Variants in TG observed in about 807,000 individuals in gnomAD.
The protein encoded by TG is thyroglobulin, also known as thyroid hormones.
A neutral mutation model predicts 324.7 loss-of-function variants in TG; 270 were observed. The observed-to-expected ratio is 0.83, with a 90% CI of 0.75 to 0.92. The LOEUF (loss-of-function observed/expected upper bound fraction) is 0.92, where lower values mean the gene tolerates loss of function less well. TG is among the 40% of genes least tolerant of loss of function. The pLI is 0.00. For missense variants in TG, 3,591 were observed against 3,456.4 expected (o/e 1.04, Z -0.98); for synonymous variants, 1,401 against 1,327.0 (o/e 1.06, Z -1.21).
intron 41 of TG, chr8:133,040,295 C>T (rs1837973461): frequency 7.1e-6 from 5 of 704,664 alleles, no homozygotes; most frequent in Non-Finnish European, 4.7e-6. Context: ...CTGAAAGTCA[C>T]GCGCCCAGCT....
chr8:133,051,631 G>C (rs1840428028), intron 41 of TG, among the ~76,000 whole-genome samples: 1 of 152,178 alleles, frequency 6.6e-6, no homozygotes, highest in Non-Finnish European at 1.5e-5. Context: ...GTGAAGTTTT[G>C]AAAAGGAAAG....
chr8:133,128,702 G>T (rs1851726773), intron 45 of TG, among the ~76,000 whole-genome samples: 1 of 152,192 alleles, frequency 6.6e-6, no homozygotes. Flanking sequence ...AGAAGATTCA[G>T]ATCTGGCCCT....
chr8:132,908,346 T>G lies in TG; in HGVS notation c.4002+6T>G. The stretch of plus-strand genomic sequence containing the variant: ...GCGGCTTCTGCCAGATCCAGGTACA[T>G]GCCTGGCCTTCCCCACAGTGAGGGC... On this transcript the variant is annotated splice_donor_region_variant and intron_variant, in intron 18 of 47. Coordinates refer to ENST00000220616, the MANE Select transcript of TG (RefSeq NM_003235.5). 6.5e-7 allele frequency: 1 copy of G among 1,532,662 alleles called. No homozygotes were observed. The highest frequency in any genetic ancestry group is 2.3e-5 in the East Asian group (1 of 42,644). The allele number at this position is 1,532,662 out of a possible 1,614,324, so 94.9% of individuals were successfully genotyped here.
chr8:133,042,881 A>G (rs1053157616), intron 41 of TG, among the ~76,000 whole-genome samples: 1 of 151,610 alleles, frequency 6.6e-6, no homozygotes, highest in Non-Finnish European at 1.5e-5. Context: ...TTTAGTGCAG[A>G]CAGGGTTTCA....
chr8:132,888,079 A>T lies in TG; in HGVS notation c.2272A>T (p.Thr758Ser). 1.1e-5 allele frequency: 18 copies of T among 1,614,004 alleles called. No homozygotes were observed. The highest frequency in any genetic ancestry group is 1.4e-5 in the Non-Finnish European group (17 of 1,179,982). ...CAGCATGCTACCCACCCTTTCCGACACCTACATCCCACAGTGCAGCACCGA... is the reference window on the plus strand; with the variant it reads ...CAGCATGCTACCCACCCTTTCCGACTCCTACATCCCACAGTGCAGCACCGA... ...NSSMLPTLSDTYIPQCSTDGQ... is the reference protein window; with the variant it reads ...NSSMLPTLSDSYIPQCSTDGQ... Residue 758 changes from threonine to serine, a missense_variant, in exon 10 of 48, where the codon ACC becomes TCC. By Grantham distance (58) the Thr-to-Ser change is moderately conservative. Transcript: ENST00000220616.
At position 132,967,941 on chromosome 8, in the gene TG, A is replaced by G; in HGVS notation, c.5834A>G (p.Gln1945Arg). Residue 1945 changes from glutamine (Q) to arginine (R), a missense_variant, in exon 31 of 48, where the codon CAG (glutamine) becomes CGG (arginine). Transcript: ENST00000220616. ...NAQGCRLILP[Q>R]MPKALFRKKV... ...CAGGGCTGCAGACTGATCCTGCCTC[A>G]GATGCCAAAGGCCCTGTTCCGGAAG... 1 of 1,613,848 alleles carries G rather than the reference A, an allele frequency of 6.2e-7. No homozygotes were observed. Among genetic ancestry groups the G allele is most frequent in the Non-Finnish European group, 8.5e-7 (1 of 1,179,888 alleles).
In TG at chr8:133,010,747, G is replaced by A. The variant is rs555387105; in HGVS notation, c.6263-1154G>A. 7.9e-5 allele frequency among the ~76,000 whole-genome samples: 12 copies of A among 152,242 alleles called. No individual in the cohort carries two copies. In the South Asian group the frequency reaches 1.7e-3, roughly 21 times the overall value. Reference sequence around the variant, plus strand: ...CCTCACTTCGTCTGGCTCTAGGCACGGCCCTTGCACCAGATGGGACGAGCT... The same window carrying A: ...CCTCACTTCGTCTGGCTCTAGGCACAGCCCTTGCACCAGATGGGACGAGCT... On this transcript the variant is annotated intron_variant, in intron 35 of 47. Coordinates refer to ENST00000220616, the MANE Select transcript of TG (RefSeq NM_003235.5).
chr8:133,042,683 T>C (rs1838512293), intron 41 of TG, among the ~76,000 whole-genome samples: 4 of 114,162 alleles, frequency 3.5e-5, no homozygotes, highest in East Asian at 2.4e-4. Context: ...TGTGTCTTTT[T>C]TTTTTTTTTT....
intron 32 of TG, among the ~76,000 whole-genome samples, chr8:132,970,318 T>C (rs1829328329): frequency 6.6e-6 from 1 of 152,150 alleles, no homozygotes; most frequent in South Asian, 2.1e-4. Flanking sequence ...TCTTACCCAT[T>C]AGAATCACCC....
At chr8:133,028,459 C>A (rs1836308157) in intron 40 of TG, among the ~76,000 whole-genome samples, 1 of 152,218 alleles carries the variant, frequency 6.6e-6, no homozygotes, top group African/African-American at 2.4e-5. Context: ...AGGCAGGCTG[C>A]AGACAAGAAC....
intron 45 of TG, 119 bp downstream of exon 45, chr8:133,116,835 GA>G (rs2131777644): frequency 1.2e-6 from 1 of 840,642 alleles, no homozygotes; most frequent in East Asian, 2.6e-5. Flanking sequence ...CTGAGAAATA[GA>G]AATAATTGTA....
intron 31 of TG, among the ~76,000 whole-genome samples, chr8:132,969,097 C>T (rs1295752905): frequency 3.9e-5 from 5 of 126,680 alleles, no homozygotes; most frequent in South Asian, 2.1e-4. Context: ...CCACCTTCAC[C>T]CCCAGGGCTG....
chr8:132,988,345 G>A (rs1831866190), intron 35 of TG, among the ~76,000 whole-genome samples: 1 of 152,138 alleles, frequency 6.6e-6, no homozygotes, highest in Non-Finnish European at 1.5e-5. Context: ...CTGCATGTGT[G>A]GAAGCATGGG....
chr8:132,963,768 G>T (rs1023798293), intron 29 of TG, among the ~76,000 whole-genome samples: 1 of 151,886 alleles, frequency 6.6e-6, no homozygotes, highest in African/African-American at 2.4e-5. Context: ...AAGGAGAAGG[G>T]AATAAGAAGA....
intron 27 of TG, among the ~76,000 whole-genome samples, chr8:132,954,260 G>T (rs1826535655): frequency 6.6e-6 from 1 of 152,082 alleles, no homozygotes; most frequent in Admixed American, 6.6e-5. Flanking sequence ...TTTAAAAAGG[G>T]CCCTACAGTT....
At position 132,900,297 on chromosome 8, in the gene TG, T is replaced by G; in HGVS notation, c.3391T>G (p.Ser1131Ala). ...TGGCACCTGGTGTGTGGACCCTGCA[T>G]CAGGAGAAGAGTTGCGGCCTGGCTC... ...GAGTWCVDPA[S>A]GEELRPGSSS... The change falls in exon 15 of 48, where the codon TCA becomes GCA. Residue 1131 changes from serine to alanine, a missense_variant. Ser to Ala is a moderately conservative substitution (Grantham distance 99). Transcript: ENST00000220616. The G allele has an allele frequency of 6.2e-7, 1 of 1,614,046 alleles. No homozygotes were observed.
chr8:132,899,910 T>TG (rs1424502230), intron 14 of TG, among the ~76,000 whole-genome samples: 2 of 152,272 alleles, frequency 1.3e-5, no homozygotes, highest in Admixed American at 1.3e-4. Flanking sequence ...TGGGTCTAGA[T>TG]GGGTTTGGGC....
chr8:132,933,437 T>G (rs1253543192), intron 23 of TG, 124 bp from the exon 24 acceptor site: 1 of 623,890 alleles, frequency 1.6e-6, no homozygotes, highest in African/African-American at 1.8e-5. Flanking sequence ...TGCATATTTG[T>G]GTGTGTGTGT....
At chr8:133,093,865 C>T (rs1283949800) in intron 41 of TG, among the ~76,000 whole-genome samples, 5 of 152,190 alleles carry the variant, frequency 3.3e-5, no homozygotes, top group Admixed American at 6.5e-5. Context: ...TAAGAGCAAC[C>T]GACTTATACA....
Sources: gnomAD v4.1 joint callset for allele counts (sites outside exome capture counted in the v4.1 genomes callset) on GRCh38, gnomAD v4.1.1 for gene constraint, MANE v1.5 for transcripts, NCBI Gene and HGNC (gene_info 2026-07-23, HGNC 2026-07-21) for gene names.